Variants in FSTL4 observed in about 807,000 individuals in gnomAD.
FSTL4 encodes the protein follistatin like 4.
Under a neutral mutation model 78.2 loss-of-function variants are expected in FSTL4, and 28 were observed. The ratio of observed to expected loss-of-function variants is 0.36; its 90% CI spans 0.27 to 0.49. The LOEUF (loss-of-function observed/expected upper bound fraction) is 0.49. FSTL4 is among the 20% of genes least tolerant of loss of function. FSTL4 has a pLI of 0.98. For synonymous variants in FSTL4, 422 were observed against 440.5 expected (o/e 0.96, Z 0.53); for missense variants, 922 against 1,084.9 (o/e 0.85, Z 2.11).
Position 133,230,574 on chromosome 5 carries a change from T to A in FSTL4, c.1015+2843A>T, listed in dbSNP as rs189879930. Among the ~76,000 whole-genome samples, 151 of 152,188 alleles carry A rather than the reference T, an allele frequency of 9.9e-4. 1 individual carries two copies. Among genetic ancestry groups the A allele is most frequent in the Admixed American group, 4.7e-3 (72 of 15,288 alleles). ...GATGCACCCTCTGCTGGTCTTGAGG[T>A]TTTTTTGAGCCAAAGCGGGTAAGAT... On this transcript the variant is annotated intron_variant, in intron 8 of 15. Coordinates refer to ENST00000265342, the MANE Select transcript of FSTL4 (RefSeq NM_015082.2).
chr5:133,737,148 C>A, the FSTL4 span, among the ~76,000 whole-genome samples: 2 of 151,994 alleles, frequency 1.3e-5, no homozygotes, highest in African/African-American at 4.8e-5. Flanking sequence ...CCCTATTATG[C>A]TATCACATAG....
At chr5:133,265,639 G>T (rs114498222) in intron 6 of FSTL4, among the ~76,000 whole-genome samples, 2 of 152,230 alleles carry the variant, frequency 1.3e-5, no homozygotes, top group African/African-American at 2.4e-5. Flanking sequence ...CCATGTGGTG[G>T]GTTGGGTTTT....
rs144077397 is a variant in FSTL4 at position 133,367,485 on chromosome 5, C to T, written c.409+33253G>A. ...AACCAAAGCATCCCAGAAAGGCCTG[C>T]GTTTTTAATTCCTTTCCAATTAGAC... On this transcript the variant is annotated intron_variant, in intron 4 of 15. Coordinates refer to ENST00000265342, the MANE Select transcript of FSTL4 (RefSeq NM_015082.2). Among the ~76,000 whole-genome samples, 160 of 152,334 alleles carry T rather than the reference C, an allele frequency of 1.1e-3. 1 individual carries two copies. Among genetic ancestry groups the T allele is most frequent in the African/African-American group, 3.4e-3 (142 of 41,572 alleles).
the FSTL4 span, among the ~76,000 whole-genome samples, chr5:133,712,809 C>A: frequency 9.8e-5 from 15 of 152,324 alleles, no homozygotes; most frequent in Middle Eastern, 3.4e-3. Context: ...CCTATGCCCA[C>A]GATGCTGTGT....
chr5:133,523,857 G>A (rs971463929), intron 3 of FSTL4, among the ~76,000 whole-genome samples: 1 of 152,166 alleles, frequency 6.6e-6, no homozygotes, highest in Admixed American at 6.5e-5. Context: ...GGACATTTTT[G>A]TCTTAGAGCC....
chr5:133,741,192 T>C, the FSTL4 span, among the ~76,000 whole-genome samples: 2 of 152,234 alleles, frequency 1.3e-5, no homozygotes, highest in African/African-American at 4.8e-5. Flanking sequence ...ACCAAGTGTC[T>C]TAAACCATAT....
At position 133,523,120 on chromosome 5, in the gene FSTL4, T is replaced by G. The variant is rs542272346; in HGVS notation, c.160+44066A>C. Among the ~76,000 whole-genome samples, 8 of 152,210 alleles carry G rather than the reference T, an allele frequency of 5.3e-5. No homozygotes were observed. In the South Asian group the frequency reaches 1.7e-3, roughly 32 times the overall value. Reference sequence around the variant, plus strand: ...CAGGGCTCAAATCTGATAGGACTGGTGTCCTTATAAGAAGAGACGCCAGCC... The same window carrying G: ...CAGGGCTCAAATCTGATAGGACTGGGGTCCTTATAAGAAGAGACGCCAGCC... On this transcript the variant is annotated intron_variant, in intron 3 of 15. Coordinates refer to ENST00000265342, the MANE Select transcript of FSTL4 (RefSeq NM_015082.2).
chr5:133,425,837 T>G (rs954314600), intron 3 of FSTL4, among the ~76,000 whole-genome samples: 1 of 152,232 alleles, frequency 6.6e-6, no homozygotes, highest in African/African-American at 2.4e-5. Flanking sequence ...CCGTGTGGTT[T>G]GTCCACTGCA....
chr5:133,797,405 T>C, the FSTL4 span, among the ~76,000 whole-genome samples: 1 of 152,382 alleles, frequency 6.6e-6, no homozygotes, highest in African/African-American at 2.4e-5. Flanking sequence ...ACTGATGACC[T>C]GCAGGGTTGA....
chr5:133,256,180 A>G (rs1476994576), intron 6 of FSTL4, among the ~76,000 whole-genome samples: 1 of 152,182 alleles, frequency 6.6e-6, no homozygotes, highest in Non-Finnish European at 1.5e-5. Flanking sequence ...CTGCTTGGGA[A>G]TGAGGGCAAT....
the FSTL4 span, among the ~76,000 whole-genome samples, chr5:133,686,309 A>C: frequency 6.6e-6 from 1 of 152,196 alleles, no homozygotes; most frequent in African/African-American, 2.4e-5. Context: ...TCCATCTGTA[A>C]AATGGGGATG....
intron 4 of FSTL4, among the ~76,000 whole-genome samples, chr5:133,395,716 G>A (rs1025939285): frequency 3.3e-5 from 5 of 150,770 alleles, no homozygotes; most frequent in African/African-American, 1.2e-4. Flanking sequence ...GGTACTTCAT[G>A]CCTGTACTCC....
intron 12 of FSTL4, among the ~76,000 whole-genome samples, chr5:133,218,044 T>C (rs1161026439): frequency 6.6e-6 from 1 of 152,188 alleles, no homozygotes; most frequent in Non-Finnish European, 1.5e-5. Context: ...AGCCCAGGCC[T>C]CTTCCCCGAA....
intron 8 of FSTL4, among the ~76,000 whole-genome samples, chr5:133,230,030 C>T (rs1249778933): frequency 6.6e-6 from 1 of 152,210 alleles, no homozygotes; most frequent in African/African-American, 2.4e-5. Context: ...TTCCTGATGT[C>T]TATGGTGCCT....
At chr5:133,567,268 A>C (rs868174667) in intron 2 of FSTL4, 49 bp from the exon 3 acceptor site, 3 of 1,337,006 alleles carry the variant, frequency 2.2e-6, no homozygotes, top group South Asian at 2.4e-5. Context: ...ATTCATATGT[A>C]CAGATACTTG....
chr5:133,719,820 A>G, the FSTL4 span, among the ~76,000 whole-genome samples: 1 of 152,182 alleles, frequency 6.6e-6, no homozygotes, highest in African/African-American at 2.4e-5. Flanking sequence ...TAAAGCTCCC[A>G]TGTCCTATAT....
intron 6 of FSTL4, among the ~76,000 whole-genome samples, chr5:133,266,386 G>T (rs1465690773): frequency 6.6e-6 from 1 of 152,216 alleles, no homozygotes; most frequent in Non-Finnish European, 1.5e-5. Flanking sequence ...GTACACGCAG[G>T]GCAATTGTCA....
At chr5:133,486,239 C>T (rs1009579938) in intron 3 of FSTL4, among the ~76,000 whole-genome samples, 2 of 150,980 alleles carry the variant, frequency 1.3e-5, no homozygotes, top group African/African-American at 4.9e-5. Context: ...CAGAGAGAGA[C>T]GTAAAGAGGA....
the FSTL4 span, among the ~76,000 whole-genome samples, chr5:133,714,941 C>A: frequency 6.6e-6 from 1 of 152,238 alleles, no homozygotes; most frequent in Admixed American, 6.5e-5. Flanking sequence ...CCCCAGACAT[C>A]CCTTACGCCC....
Sources: allele counts gnomAD v4.1 joint callset (sites outside exome capture counted in the v4.1 genomes callset), GRCh38; gene constraint gnomAD v4.1.1; transcripts MANE v1.5; gene names NCBI Gene and HGNC (gene_info 2026-07-23, HGNC 2026-07-21).